DNAH11: variants seen among roughly 807,000 people sequenced by gnomAD.
DNAH11 encodes the protein axonemal beta dynein heavy chain 11.
Under a neutral mutation model 526.0 loss-of-function variants are expected in DNAH11, and 442 were observed. The observed-to-expected ratio is 0.84, with a 90% CI of 0.78 to 0.91. The LOEUF (loss-of-function observed/expected upper bound fraction) is 0.91, where lower values mean the gene tolerates loss of function less well. DNAH11 is among the 40% of genes least tolerant of loss of function. The pLI, the probability that DNAH11 is intolerant of heterozygous loss-of-function variation, is 0.00. For synonymous variants in DNAH11, 2,461 were observed against 1,935.9 expected (o/e 1.27, Z -7.12); for missense variants, 6,989 against 5,448.7 (o/e 1.28, Z -8.90).
chr7:21,730,877 C>T (rs1215034501), intron 45 of DNAH11, among the ~76,000 whole-genome samples: 1 of 152,176 alleles, frequency 6.6e-6, no homozygotes, highest in Non-Finnish European at 1.5e-5. Flanking sequence ...GGTGCAGTGG[C>T]TCACACCTGT....
At chr7:21,616,856 C>G (rs992236903) in intron 22 of DNAH11, among the ~76,000 whole-genome samples, 24 of 152,146 alleles carry the variant, frequency 1.6e-4, no homozygotes, top group South Asian at 6.2e-4. Context: ...GACAGAGCAT[C>G]TTTGGATAAA....
chr7:21,875,445 C>G (rs1783666378), intron 74 of DNAH11, among the ~76,000 whole-genome samples: 1 of 152,066 alleles, frequency 6.6e-6, no homozygotes, highest in Non-Finnish European at 1.5e-5. Flanking sequence ...GTAAAGATCA[C>G]TTCGAGAATC....
intron 9 of DNAH11, among the ~76,000 whole-genome samples, chr7:21,582,687 T>C (rs1425435644): frequency 6.6e-6 from 1 of 152,080 alleles, no homozygotes; most frequent in East Asian, 1.9e-4. Context: ...AGCAACACCA[T>C]GTAAAACTTG....
chr7:21,709,104 C>A (rs955457037), intron 40 of DNAH11, among the ~76,000 whole-genome samples: 4 of 152,158 alleles, frequency 2.6e-5, no homozygotes, highest in African/African-American at 7.2e-5. Flanking sequence ...ACAAATTGTT[C>A]TACCAAAAAG....
chr7:21,571,479 C>G (rs1299274275), intron 7 of DNAH11, among the ~76,000 whole-genome samples: 3 of 152,028 alleles, frequency 2.0e-5, no homozygotes, highest in Non-Finnish European at 2.9e-5. Context: ...AGGATCTTTC[C>G]TTGTTGCCCA....
intron 25 of DNAH11, among the ~76,000 whole-genome samples, chr7:21,623,306 C>A (rs1214568090): frequency 3.3e-5 from 5 of 150,396 alleles, no homozygotes. Context: ...ATTAAAAAGT[C>A]AGGAAACAAC....
At chr7:21,822,177 G>T (rs928731966) in intron 65 of DNAH11, among the ~76,000 whole-genome samples, 12 of 151,988 alleles carry the variant, frequency 7.9e-5, no homozygotes, top group African/African-American at 2.4e-4. Context: ...TTTTTAAAAA[G>T]AGTTTGATTT....
chr7:21,592,339 A>G (rs943532383), intron 14 of DNAH11, among the ~76,000 whole-genome samples: 1 of 152,226 alleles, frequency 6.6e-6, no homozygotes, highest in African/African-American at 2.4e-5. Context: ...CTGACAGGGA[A>G]CAAAGCATAT....
At chr7:21,690,102 C>T (rs1783548997) in intron 34 of DNAH11, among the ~76,000 whole-genome samples, 2 of 152,122 alleles carry the variant, frequency 1.3e-5, no homozygotes, top group African/African-American at 4.8e-5. Flanking sequence ...TACTTTTACC[C>T]ATTTATATTT....
rs1785082617 is a variant in DNAH11, at chr7:21,601,455, A to G, written c.3485A>G (p.Asn1162Ser). The G allele has an allele frequency of 1.2e-6, 2 of 1,613,834 alleles. No individual in the cohort carries two copies. Among genetic ancestry groups the G allele is most frequent in the Non-Finnish European group, 1.7e-6 (2 of 1,179,820 alleles). ...ETDSGLQREL[N>S]EGDHDGLVDI... The stretch of plus-strand genomic sequence containing the variant: ...GATTCCGGACTTCAGAGAGAATTAA[A>G]TGAAGGTGATCATGATGGTTTAGTT... The change falls in exon 18 of 82, where the codon AAT (asparagine) becomes AGT (serine). Residue 1162 changes from asparagine (N) to serine (S), a missense_variant. Asn to Ser is a conservative substitution (Grantham distance 46). Coordinates refer to ENST00000409508, the MANE Select transcript of DNAH11 (RefSeq NM_001277115.2).
chr7:21,554,922 G>A (rs1451635888), intron 2 of DNAH11, among the ~76,000 whole-genome samples: 1 of 152,148 alleles, frequency 6.6e-6, no homozygotes, highest in Admixed American at 6.5e-5. Context: ...AGGAGCAATT[G>A]GTTCGACTCT....
intron 27 of DNAH11, 104 bp downstream of exon 27, chr7:21,637,806 A>C: frequency 1.7e-6 from 1 of 600,512 alleles, no homozygotes; most frequent in Non-Finnish European, 2.6e-6. Context: ...TGCAACCTCT[A>C]CTAAATTATT....
intron 62 of DNAH11, among the ~76,000 whole-genome samples, chr7:21,806,981 A>T (rs941134419): frequency 6.6e-6 from 1 of 152,224 alleles, no homozygotes; most frequent in Non-Finnish European, 1.5e-5. Flanking sequence ...TTAGAAAACT[A>T]ACCTGAGTTT....
At chr7:21,800,482 A>G (rs554958898) in intron 61 of DNAH11, among the ~76,000 whole-genome samples, 7 of 152,224 alleles carry the variant, frequency 4.6e-5, no homozygotes, top group African/African-American at 1.4e-4. Flanking sequence ...ATCTACAAAA[A>G]TTAGCCGGGT....
At chr7:21,848,166 C>CA (rs58058317) in intron 66 of DNAH11, among the ~76,000 whole-genome samples, 8,172 of 88,904 alleles carry the variant, frequency 0.092, 402 homozygotes, top group East Asian at 0.3. Context: ...GACTCTGTTT[C>CA]AAAAAAAAAA....
Position 21,628,115 on chromosome 7 carries a change from A to C in DNAH11, c.4501-7756A>C, listed in dbSNP as rs571655000. Among the ~76,000 whole-genome samples the C allele has an allele frequency of 5.9e-5, 9 of 151,544 alleles. 1 individual carries two copies. The South Asian group carries it at 1.9e-3, about 31-fold the overall frequency. On this transcript the variant is annotated intron_variant, in intron 25 of 81. Coordinates refer to ENST00000409508, the MANE Select transcript of DNAH11 (RefSeq NM_001277115.2). ...TTTTCTGTTGGTACATATAAATGCA[A>C]CTGTTTTTTGTATGTCTACTTTGTA...
chr7:21,636,061 C>G lies in DNAH11; in HGVS notation c.4691C>G (p.Ala1564Gly), dbSNP rs997138064. ...EDIRIQLVKD[A>G]RRFDGVDAEF... ...ATTCGAATCCAGCTTGTGAAAGATG[C>G]TAGAAGATTTGATGGGGTGGATGCT... The change falls in exon 26 of 82, where the codon GCT (alanine) becomes GGT (glycine). Residue 1564 changes from alanine to glycine, a missense_variant. Ala to Gly is a moderately conservative substitution (Grantham distance 60). Coordinates refer to ENST00000409508, the MANE Select transcript of DNAH11 (RefSeq NM_001277115.2). The G allele has an allele frequency of 3.7e-6, 6 of 1,613,072 alleles. No homozygotes were observed. The highest frequency in any genetic ancestry group is 4.2e-6 in the Non-Finnish European group (5 of 1,179,396).
intron 63 of DNAH11, among the ~76,000 whole-genome samples, chr7:21,811,763 G>A (rs1789533037): frequency 6.6e-6 from 1 of 152,142 alleles, no homozygotes. Context: ...GTAAATAGTA[G>A]GGTAAAGTCC....
intron 2 of DNAH11, among the ~76,000 whole-genome samples, chr7:21,550,648 A>T (rs6461578): frequency 0.66 from 100,990 of 152,034 alleles, 35,407 homozygotes; most frequent in East Asian, 0.95. Context: ...CCAAGGGGTG[A>T]GATAATCCCA....
Sources: allele counts gnomAD v4.1 joint callset (sites outside exome capture counted in the v4.1 genomes callset), GRCh38; gene constraint gnomAD v4.1.1; transcripts MANE v1.5; gene names NCBI Gene and HGNC (gene_info 2026-07-23, HGNC 2026-07-21).